The following NCKAP5 variants were observed in gnomAD, a reference collection of about 807,000 sequenced individuals.
The protein encoded by NCKAP5 is nck-associated protein 5.
In NCKAP5, 92 loss-of-function variants were observed where a neutral mutation model predicts 167.0. The observed-to-expected ratio is 0.55, with a 90% CI of 0.47 to 0.66. The LOEUF (loss-of-function observed/expected upper bound fraction) is 0.66, where lower values mean the gene tolerates loss of function less well. Among genes scored for constraint, NCKAP5 ranks in the 30% least tolerant of loss-of-function variants. The pLI is 0.00. For synonymous variants in NCKAP5, 891 were observed against 877.4 expected, an observed-to-expected ratio of 1.02 and a Z score of -0.27; for missense variants, 2,378 against 2,315.0, an observed-to-expected ratio of 1.03 and a Z score of -0.56.
At chr2:132,891,796 G>A (rs947918623) in intron 8 of NCKAP5, among the ~76,000 whole-genome samples, 1 of 152,248 alleles carries the variant, frequency 6.6e-6, no homozygotes, top group African/African-American at 2.4e-5. Context: ...GCGAAGGCAA[G>A]AGGAGTGGTA....
At chr2:133,656,404 C>T in the NCKAP5 span, among the ~76,000 whole-genome samples, 1 of 152,128 alleles carries the variant, frequency 6.6e-6, no homozygotes, top group Admixed American at 6.6e-5. Flanking sequence ...CTAAGTGCTC[C>T]GTAAGTATTA....
At chr2:133,129,918 T>A in intron 6 of NCKAP5, 60 bp downstream of exon 6, 1 of 1,491,330 alleles carries the variant, frequency 6.7e-7, no homozygotes, top group South Asian at 1.4e-5. Context: ...CAATCCAAGG[T>A]GTTACTGGTG....
At chr2:133,448,424 T>C (rs1691346748) in intron 3 of NCKAP5, among the ~76,000 whole-genome samples, 1 of 152,118 alleles carries the variant, frequency 6.6e-6, no homozygotes, top group Non-Finnish European at 1.5e-5. Context: ...TATAGTCACA[T>C]TAAGTAATAC....
At chr2:133,026,485 T>G (rs1356777431) in intron 6 of NCKAP5, among the ~76,000 whole-genome samples, 1 of 151,980 alleles carries the variant, frequency 6.6e-6, no homozygotes, top group Non-Finnish European at 1.5e-5. Context: ...GAAATCATAA[T>G]GAAAAATGTT....
the NCKAP5 span, among the ~76,000 whole-genome samples, chr2:133,578,677 G>A: frequency 5.9e-5 from 9 of 152,134 alleles, no homozygotes; most frequent in Admixed American, 1.3e-4. Context: ...GTTCAGTCCT[G>A]AATTCTTCCC....
chr2:133,360,505 C>T (rs1043572671), intron 3 of NCKAP5, among the ~76,000 whole-genome samples: 1 of 152,132 alleles, frequency 6.6e-6, no homozygotes, highest in Admixed American at 6.5e-5. Context: ...CAGTGAGATG[C>T]TCTGGAAGAG....
At chr2:133,159,478 G>A (rs575423237) in intron 5 of NCKAP5, among the ~76,000 whole-genome samples, 1 of 152,280 alleles carries the variant, frequency 6.6e-6, no homozygotes, top group African/African-American at 2.4e-5. Flanking sequence ...GTTTTCAGCT[G>A]CTAAATGTAG....
intron 3 of NCKAP5, among the ~76,000 whole-genome samples, chr2:133,372,144 G>A (rs1483636823): frequency 6.6e-6 from 1 of 152,178 alleles, no homozygotes; most frequent in Non-Finnish European, 1.5e-5. Flanking sequence ...CTTGAAGGAT[G>A]GATGAGAGTC....
chr2:133,390,081 A>G (rs1477114263), intron 3 of NCKAP5, among the ~76,000 whole-genome samples: 2 of 152,236 alleles, frequency 1.3e-5, no homozygotes, highest in Non-Finnish European at 2.9e-5. Context: ...CATTCATGTG[A>G]TAACACTCAC....
intron 6 of NCKAP5, among the ~76,000 whole-genome samples, chr2:133,073,951 T>C (rs2080509225): frequency 6.6e-6 from 1 of 152,166 alleles, no homozygotes; most frequent in Non-Finnish European, 1.5e-5. Flanking sequence ...AAGACTAGTT[T>C]TACCTATCAC....
chr2:132,995,465 A>G (rs2077567554), intron 6 of NCKAP5, among the ~76,000 whole-genome samples: 1 of 151,766 alleles, frequency 6.6e-6, no homozygotes, highest in Non-Finnish European at 1.5e-5. Flanking sequence ...AGCCTGACCA[A>G]TATGGTGAAA....
intron 8 of NCKAP5, among the ~76,000 whole-genome samples, chr2:132,944,100 A>G (rs751577799): frequency 1.1e-4 from 16 of 152,192 alleles, no homozygotes; most frequent in Non-Finnish European, 1.9e-4. Context: ...TGGTGCAGGG[A>G]CTTGAACCGT....
intron 3 of NCKAP5, among the ~76,000 whole-genome samples, chr2:133,309,616 T>C (rs1681087219): frequency 6.6e-6 from 1 of 152,360 alleles, no homozygotes; most frequent in Admixed American, 6.5e-5. Context: ...TTCAGGAAGT[T>C]TGCCTTTCAC....
At chr2:132,868,030 T>G (rs1690497312) in intron 10 of NCKAP5, among the ~76,000 whole-genome samples, 1 of 152,084 alleles carries the variant, frequency 6.6e-6, no homozygotes, top group African/African-American at 2.4e-5. Flanking sequence ...TAAAGAATAT[T>G]TAAGTATCTC....
chr2:133,357,512 T>G (rs1228809784), intron 3 of NCKAP5, among the ~76,000 whole-genome samples: 1 of 152,176 alleles, frequency 6.6e-6, no homozygotes, highest in East Asian at 1.9e-4. Context: ...CATTTTAATG[T>G]TAACAGGACA....
chr2:133,097,102 C>G (rs1402529046), intron 6 of NCKAP5, among the ~76,000 whole-genome samples: 2 of 152,144 alleles, frequency 1.3e-5, no homozygotes, highest in Non-Finnish European at 2.9e-5. Context: ...ACTGACGGAA[C>G]AAGGTGTGAT....
rs371171008 is a variant in NCKAP5, at chr2:132,968,388, G to A, written c.430-4519C>T. 5.2e-4 allele frequency among the ~76,000 whole-genome samples: 79 copies of A among 152,268 alleles called. 2 individuals are homozygous for A. In the South Asian group the frequency reaches 9.7e-3, roughly 19 times the overall value. ...GGACTTACCAAAAGCAGTTTTTACG[G>A]TGGTTCAGAAACTACCACAGATGAT... On this transcript the variant is annotated intron_variant, in intron 7 of 19. Transcript: ENST00000409261.
At chr2:133,105,710 G>A (rs1307030379) in intron 6 of NCKAP5, among the ~76,000 whole-genome samples, 2 of 152,212 alleles carry the variant, frequency 1.3e-5, no homozygotes, top group Non-Finnish European at 2.9e-5. Flanking sequence ...AATTCAGTGA[G>A]TGCCGAGTGG....
chr2:133,439,919 C>T (rs1690727507), intron 3 of NCKAP5, among the ~76,000 whole-genome samples: 1 of 152,132 alleles, frequency 6.6e-6, no homozygotes, highest in Non-Finnish European at 1.5e-5. Context: ...TGGGACTGTC[C>T]AGGAGCACAA....
Sources: allele counts gnomAD v4.1 joint callset (sites outside exome capture counted in the v4.1 genomes callset), GRCh38; gene constraint gnomAD v4.1.1; transcripts MANE v1.5; gene names NCBI Gene and HGNC (gene_info 2026-07-23, HGNC 2026-07-21).